NBDY: variants seen among roughly 807,000 people sequenced by gnomAD.
NBDY encodes the protein negative regulator of P-body association.
intron 2 of NBDY, among the ~76,000 whole-genome samples, chrX:56,761,345 T>C (rs1379950692): frequency 8.8e-6 from 1 of 113,044 alleles, no homozygotes; most frequent in Non-Finnish European, 1.9e-5. Context: ...CCTTGTTGTC[T>C]GGCTGCCCAA....
intron 2 of NBDY, among the ~76,000 whole-genome samples, chrX:56,747,158 A>G (rs2069561977): frequency 8.9e-6 from 1 of 112,058 alleles, no homozygotes; most frequent in East Asian, 2.8e-4. Flanking sequence ...CAAATATTAA[A>G]GAATGCCTAT....
chrX:56,806,636 A>G (rs2069852122), intron 2 of NBDY, among the ~76,000 whole-genome samples: 2 of 112,131 alleles, frequency 1.8e-5, no homozygotes, highest in East Asian at 2.8e-4. Flanking sequence ...GTCTCTGCTC[A>G]TATCTTTCGC....
chrX:56,755,889 C>G (rs1284611281), intron 2 of NBDY, among the ~76,000 whole-genome samples: 1 of 104,382 alleles, frequency 9.6e-6, no homozygotes, highest in Non-Finnish European at 2.0e-5. Flanking sequence ...TTGGAACCAA[C>G]CCAAATGTCC....
intron 2 of NBDY, among the ~76,000 whole-genome samples, chrX:56,785,642 C>T (rs1298829395): frequency 9.0e-6 from 1 of 111,511 alleles, no homozygotes; most frequent in Non-Finnish European, 1.9e-5. Context: ...AGCAGGGCAG[C>T]CTCCTGAACC....
chrX:56,767,663 G>C (rs1249505792), intron 2 of NBDY, among the ~76,000 whole-genome samples: 3 of 113,351 alleles, frequency 2.6e-5, no homozygotes, highest in South Asian at 3.5e-4. Context: ...TCCACTTCTC[G>C]CCTATCTCTT....
intron 2 of NBDY, among the ~76,000 whole-genome samples, chrX:56,806,285 T>C (rs1430801425): frequency 1.8e-5 from 2 of 112,094 alleles, no homozygotes; most frequent in African/African-American, 6.5e-5. Flanking sequence ...AACATATGTG[T>C]GCATGTCTCT....
chrX:56,787,834 G>C (rs188432987), intron 2 of NBDY, among the ~76,000 whole-genome samples: 4 of 112,541 alleles, frequency 3.6e-5, no homozygotes, highest in Non-Finnish European at 7.5e-5. Context: ...CTGTTGAGTG[G>C]GTGGCCCCAG....
At chrX:56,737,824 G>A (rs1280708726) in intron 2 of NBDY, among the ~76,000 whole-genome samples, 1 of 111,579 alleles carries the variant, frequency 9.0e-6, no homozygotes, top group Non-Finnish European at 1.9e-5. Flanking sequence ...CTCCCAGAAT[G>A]TCCTTTACCC....
chrX:56,755,464 T>A (rs2069605632), intron 2 of NBDY, among the ~76,000 whole-genome samples: 1 of 111,381 alleles, frequency 9.0e-6, no homozygotes, highest in African/African-American at 3.3e-5. Flanking sequence ...AACAACCCCA[T>A]CAAAAAGTGG....
At chrX:56,748,352 G>A (rs1249371663) in intron 2 of NBDY, among the ~76,000 whole-genome samples, 1 of 110,993 alleles carries the variant, frequency 9.0e-6, no homozygotes, top group East Asian at 2.8e-4. Flanking sequence ...TAGAATACAA[G>A]AAAAAGAGCA....
rs2069535414 is a variant in NBDY, at chrX:56,742,294, G to A, written c.*166+10095G>A. Among the ~76,000 whole-genome samples, 4 of 111,579 alleles carry A rather than the reference G, an allele frequency of 3.6e-5. No individual in the cohort carries two copies. The South Asian group carries it at 1.5e-3, about 42-fold the overall frequency. On this transcript the variant is annotated intron_variant, in intron 2 of 2. Coordinates refer to ENST00000374922, the MANE Select transcript of NBDY (RefSeq NM_001348129.2). ...CTCCAGTTTTGTTCTTTTTGCTTAGGATAGCTTTGGTTATTCTGGGTCTTT... is the reference window on the plus strand; with the variant it reads ...CTCCAGTTTTGTTCTTTTTGCTTAGAATAGCTTTGGTTATTCTGGGTCTTT...
At chrX:56,754,775 G>A (rs749168210) in intron 2 of NBDY, among the ~76,000 whole-genome samples, 3 of 109,526 alleles carry the variant, frequency 2.7e-5, no homozygotes, top group South Asian at 3.9e-4. Flanking sequence ...TACACCTAGA[G>A]GAACAAGAAA....
intron 2 of NBDY, among the ~76,000 whole-genome samples, chrX:56,762,859 A>G: frequency 9.0e-6 from 1 of 111,388 alleles, no homozygotes; most frequent in Non-Finnish European, 1.9e-5. Context: ...TCACAAACAC[A>G]CCCGCACACA....
At chrX:56,765,325 G>A (rs376417369) in intron 2 of NBDY, among the ~76,000 whole-genome samples, 5 of 111,796 alleles carry the variant, frequency 4.5e-5, no homozygotes, top group Non-Finnish European at 5.7e-5. Context: ...TTTTTTGGGC[G>A]GTCCTTCCCT....
At chrX:56,802,769 A>G (rs1178447224) in intron 2 of NBDY, among the ~76,000 whole-genome samples, 1 of 112,738 alleles carries the variant, frequency 8.9e-6, no homozygotes, top group Non-Finnish European at 1.9e-5. Context: ...CTGCATGAGC[A>G]TGAGCCATGA....
chrX:56,815,907 C>T (rs2069908663), intron 2 of NBDY, among the ~76,000 whole-genome samples: 1 of 111,687 alleles, frequency 9.0e-6, no homozygotes, highest in Non-Finnish European at 1.9e-5. Flanking sequence ...TTAACCTCCA[C>T]AGATTTAGAA....
chrX:56,763,312 C>A (rs1026254792), intron 2 of NBDY, among the ~76,000 whole-genome samples: 1 of 111,857 alleles, frequency 8.9e-6, no homozygotes, highest in Non-Finnish European at 1.9e-5. Flanking sequence ...ACCCCTGAGC[C>A]ACCCTCCTCC....
chrX:56,819,136 A>G lies in NBDY; in HGVS notation c.*1983A>G, dbSNP rs1443468076. 1 of 111,213 alleles carries G rather than the reference A, an allele frequency of 9.0e-6. No homozygotes were observed. The allele number at this position is 111,213 out of a possible 1,213,427, so 9.2% of individuals were successfully genotyped here. A position where few individuals can be genotyped will look rare whatever the true frequency, so the allele number is the denominator to read the frequency against. On this transcript the variant is annotated 3_prime_UTR_variant, in exon 3 of 3. Transcript: ENST00000374922. ...AATAAATTTTTGTGACCTTGAATTAAGTATTAGATTTTTAATTCTTACACC... is the reference window on the plus strand; with the variant it reads ...AATAAATTTTTGTGACCTTGAATTAGGTATTAGATTTTTAATTCTTACACC...
At chrX:56,792,491 TACTC>T (rs2069770005) in intron 2 of NBDY, among the ~76,000 whole-genome samples, 2 of 110,959 alleles carry the variant, frequency 1.8e-5, no homozygotes, top group South Asian at 3.9e-4. Flanking sequence ...ACAATGCACT[TACTC>T]ACAAGGGACC....
Sources: gnomAD v4.1 joint callset for allele counts (sites outside exome capture counted in the v4.1 genomes callset) on GRCh38, gnomAD v4.1.1 for gene constraint, MANE v1.5 for transcripts, NCBI Gene and HGNC (gene_info 2026-07-23, HGNC 2026-07-21) for gene names.